RALGAPA2: variants seen among roughly 807,000 people sequenced by gnomAD.
The protein encoded by RALGAPA2 is Ral GTPase activating protein catalytic subunit alpha 2.
A neutral mutation model predicts 230.4 loss-of-function variants in RALGAPA2; 139 were observed. The observed-to-expected ratio is 0.60, with a 90% confidence interval of 0.53 to 0.69. The LOEUF (loss-of-function observed/expected upper bound fraction) is 0.69, where lower values mean the gene tolerates loss of function less well. Among genes scored for constraint, RALGAPA2 ranks in the 30% least tolerant of loss-of-function variants. The pLI is 0.00. For synonymous variants in RALGAPA2, 847 were observed against 837.8 expected, an observed-to-expected ratio of 1.01 and a Z score of -0.19; for missense variants, 2,163 against 2,276.0, an observed-to-expected ratio of 0.95 and a Z score of 1.01.
In RALGAPA2 at chr20:20,417,566, A is replaced by G. The variant is rs76138126; in HGVS notation, c.5496-5418T>C. On this transcript the variant is annotated intron_variant, in intron 37 of 39. Transcript: ENST00000202677. The stretch of plus-strand genomic sequence containing the variant: ...CTCCTCATTTCAAGATCCTTAACTT[A>G]TATCAGCACACAGCCTTGAGTCAAA... 6.5e-3 allele frequency among the ~76,000 whole-genome samples: 988 copies of G among 152,332 alleles called. 8 individuals are homozygous for G. The highest frequency in any genetic ancestry group is 0.023 in the African/African-American group (944 of 41,574).
At chr20:20,532,452 G>A (rs932888176) in intron 26 of RALGAPA2, among the ~76,000 whole-genome samples, 14 of 152,256 alleles carry the variant, frequency 9.2e-5, no homozygotes, top group Admixed American at 4.6e-4. Flanking sequence ...TGCAGTAGGT[G>A]TAGGAAAAAG....
intron 23 of RALGAPA2, among the ~76,000 whole-genome samples, chr20:20,551,305 T>C (rs1462505001): frequency 6.6e-6 from 1 of 152,228 alleles, no homozygotes; most frequent in African/African-American, 2.4e-5. Flanking sequence ...AGGTTTATTC[T>C]TGAGAGTTGA....
At chr20:20,650,268 A>T (rs2067353783) in intron 4 of RALGAPA2, among the ~76,000 whole-genome samples, 1 of 152,228 alleles carries the variant, frequency 6.6e-6, no homozygotes, top group South Asian at 2.1e-4. Context: ...TTTTAAGAGA[A>T]ATAGAATGTC....
At chr20:20,672,446 A>C (rs944446380) in intron 3 of RALGAPA2, among the ~76,000 whole-genome samples, 4 of 152,240 alleles carry the variant, frequency 2.6e-5, no homozygotes, top group African/African-American at 9.6e-5. Flanking sequence ...ATGAACGAGG[A>C]TCAAGAGACA....
chr20:20,605,592 T>C (rs1258723450), intron 14 of RALGAPA2, among the ~76,000 whole-genome samples, 180 bp from the exon 15 acceptor site: 2 of 152,200 alleles, frequency 1.3e-5, no homozygotes, highest in Non-Finnish European at 2.9e-5. Context: ...AAATTTAAGC[T>C]ATTGGGGAGT....
In RALGAPA2 at chr20:20,392,461, CTG is replaced by C. The variant is rs968375252; in HGVS notation, c.*826_*827del. On this transcript the variant is annotated 3_prime_UTR_variant, in exon 40 of 40. Transcript: ENST00000202677. ...CATGCGCCTTTTGTGTGGATGTGGT[CTG>C]TGTTGTTTTGAGCCTTGGGACACTT... The C allele has an allele frequency of 6.6e-6, 1 of 151,936 alleles. No homozygotes were observed. The highest frequency in any genetic ancestry group is 1.5e-5 in the Non-Finnish European group (1 of 68,176). 9.4% of individuals were successfully genotyped at this position (151,936 alleles called of 1,614,324 possible). A position where few individuals can be genotyped will look rare whatever the true frequency, so the allele number is the denominator to read the frequency against.
chr20:20,692,891 G>A (rs2068965487), intron 1 of RALGAPA2, among the ~76,000 whole-genome samples: 1 of 152,154 alleles, frequency 6.6e-6, no homozygotes, highest in South Asian at 2.1e-4. Context: ...TTTTATAGGA[G>A]AAAGAAATTC....
chr20:20,435,105 C>T (rs1346314156), intron 37 of RALGAPA2, among the ~76,000 whole-genome samples: 1 of 152,210 alleles, frequency 6.6e-6, no homozygotes, highest in African/African-American at 2.4e-5. Context: ...GCCATGTTTG[C>T]CAATGCTTGA....
At chr20:20,671,452 C>T (rs1304575539) in intron 3 of RALGAPA2, among the ~76,000 whole-genome samples, 1 of 152,210 alleles carries the variant, frequency 6.6e-6, no homozygotes, top group African/African-American at 2.4e-5. Context: ...TAAGTATTCA[C>T]TTCCAAACCC....
In RALGAPA2 at chr20:20,629,423, T is replaced by C. The variant is rs747223505; in HGVS notation, c.1173A>G (p.Val391=). The change falls in exon 10 of 40, where the codon GTA becomes GTG. Residue 391 remains valine, a synonymous_variant. Coordinates refer to ENST00000202677, the MANE Select transcript of RALGAPA2 (RefSeq NM_020343.4). ...EEEHRMVYEM[V]QRILLSTRGY... is the part of the protein sequence containing the mutation. ...CTCGTGTTGACAAGAGAATCCGCTGTACCATTTCATACACCATTCGGTGCT... is the reference window on the plus strand; with the variant it reads ...CTCGTGTTGACAAGAGAATCCGCTGCACCATTTCATACACCATTCGGTGCT... The C allele has an allele frequency of 6.2e-7, 1 of 1,613,914 alleles. No homozygotes were observed. The highest frequency in any genetic ancestry group is 8.5e-7 in the Non-Finnish European group (1 of 1,179,860).
chr20:20,538,003 C>T (rs1365485477), intron 24 of RALGAPA2, among the ~76,000 whole-genome samples: 1 of 152,206 alleles, frequency 6.6e-6, no homozygotes, highest in African/African-American at 2.4e-5. Context: ...CAGGTCCAGA[C>T]TGAGCCTACA....
At chr20:20,435,926 G>A (rs951506023) in intron 37 of RALGAPA2, among the ~76,000 whole-genome samples, 2 of 152,178 alleles carry the variant, frequency 1.3e-5, no homozygotes, top group African/African-American at 4.8e-5. Context: ...GAAATTTATT[G>A]TTCTAAGTTC....
chr20:20,505,592 T>C (rs1005235790), intron 33 of RALGAPA2, 58 bp from the exon 34 acceptor site: 2 of 1,368,748 alleles, frequency 1.5e-6, no homozygotes, highest in African/African-American at 3.0e-5. Context: ...TTTACTTCAC[T>C]ACTATTAATA....
intron 37 of RALGAPA2, among the ~76,000 whole-genome samples, chr20:20,422,679 G>A (rs2060301167): frequency 6.6e-6 from 1 of 152,204 alleles, no homozygotes; most frequent in African/African-American, 2.4e-5. Context: ...GAGAACAAAT[G>A]GCAGGATGGC....
intron 3 of RALGAPA2, among the ~76,000 whole-genome samples, chr20:20,669,267 G>A (rs1189207341): frequency 6.6e-6 from 1 of 152,122 alleles, no homozygotes; most frequent in Non-Finnish European, 1.5e-5. Flanking sequence ...TAGTAAAAGG[G>A]GATGGCATAC....
chr20:20,548,889 C>T (rs2063845478), intron 23 of RALGAPA2, among the ~76,000 whole-genome samples: 1 of 152,214 alleles, frequency 6.6e-6, no homozygotes. Context: ...GATGGAAGCA[C>T]ATTTCTGTTG....
Position 20,472,896 on chromosome 20 carries a change from G to C in RALGAPA2, c.5428C>G (p.Leu1810Val). ...AIVSGKLLPSLVCATCINASR... is the reference protein window; with the variant it reads ...AIVSGKLLPSVVCATCINASR... Reference sequence around the variant, plus strand: ...GCGTTGATGCACGTGGCACATACAAGGCTTGGCAGCAGCTTCCCACTCACT... The same window carrying C: ...GCGTTGATGCACGTGGCACATACAACGCTTGGCAGCAGCTTCCCACTCACT... Residue 1810 changes from leucine (L) to valine (V), a missense_variant, in exon 37 of 40, where the codon CTT becomes GTT. Physicochemically the swap from Leu to Val is conservative, Grantham distance 32. Coordinates refer to ENST00000202677, the MANE Select transcript of RALGAPA2 (RefSeq NM_020343.4). 3 of 1,613,620 alleles carry C rather than the reference G, an allele frequency of 1.9e-6. No individual in the cohort carries two copies. Among genetic ancestry groups the C allele is most frequent in the Non-Finnish European group, 2.5e-6 (3 of 1,179,670 alleles).
intron 23 of RALGAPA2, among the ~76,000 whole-genome samples, chr20:20,550,974 G>T (rs145969928): frequency 6.6e-6 from 1 of 152,216 alleles, no homozygotes; most frequent in Admixed American, 6.5e-5. Flanking sequence ...CATTTCAAAG[G>T]TGGCACACAA....
chr20:20,518,216 C>G (rs1472592423), intron 31 of RALGAPA2, among the ~76,000 whole-genome samples: 1 of 152,144 alleles, frequency 6.6e-6, no homozygotes. Context: ...CCACCATGCC[C>G]AGCTAATTTT....
Sources: allele counts gnomAD v4.1 joint callset (sites outside exome capture counted in the v4.1 genomes callset), GRCh38; gene constraint gnomAD v4.1.1; transcripts MANE v1.5; gene names NCBI Gene and HGNC (gene_info 2026-07-23, HGNC 2026-07-21).